RAD51B: variants seen among roughly 807,000 people sequenced by gnomAD.
RAD51B encodes the protein DNA repair protein RAD51 homolog 2.
Under a neutral mutation model 42.2 loss-of-function variants are expected in RAD51B, and 38 were observed. The ratio of observed to expected loss-of-function variants is 0.90; its 90% CI spans 0.70 to 1.18. The LOEUF is 1.18. RAD51B is among the 50% of genes most tolerant of loss of function. RAD51B has a pLI of 0.00. For synonymous variants in RAD51B, 154 were observed against 145.2 expected (o/e 1.06, Z -0.43); for missense variants, 373 against 400.7 (o/e 0.93, Z 0.59).
chr14:68,575,524 T>G (rs1022107062), intron 10 of RAD51B, among the ~76,000 whole-genome samples: 3 of 152,160 alleles, frequency 2.0e-5, no homozygotes, highest in Non-Finnish European at 4.4e-5. Context: ...AAAATTGAAA[T>G]GGACCGTTGA....
At chr14:67,822,771 C>T (rs1270207927) in intron 1 of RAD51B, among the ~76,000 whole-genome samples, 1 of 152,054 alleles carries the variant, frequency 6.6e-6, no homozygotes, top group Non-Finnish European at 1.5e-5. Flanking sequence ...CATTTTAATA[C>T]TGCAGTGATA....
chr14:68,395,041 C>A (rs2083873203), intron 8 of RAD51B, among the ~76,000 whole-genome samples: 1 of 152,178 alleles, frequency 6.6e-6, no homozygotes, highest in South Asian at 2.1e-4. Context: ...ACAGCAAGAT[C>A]TGTCGGCATC....
At chr14:67,962,960 T>TG (rs1350101067) in intron 7 of RAD51B, among the ~76,000 whole-genome samples, 1 of 152,146 alleles carries the variant, frequency 6.6e-6, no homozygotes, top group African/African-American at 2.4e-5. Context: ...TGTAAAGTAG[T>TG]TTAAAAGTAA....
At chr14:68,047,617 C>T (rs911083341) in intron 7 of RAD51B, among the ~76,000 whole-genome samples, 4 of 152,082 alleles carry the variant, frequency 2.6e-5, no homozygotes, top group Non-Finnish European at 5.9e-5. Flanking sequence ...TCATGGACTA[C>T]AATTTTGTAC....
chr14:67,838,599 T>C (rs1001132993), intron 4 of RAD51B, among the ~76,000 whole-genome samples: 2 of 151,998 alleles, frequency 1.3e-5, no homozygotes, highest in African/African-American at 4.8e-5. Context: ...TGCACCACCA[T>C]GCCTGGCTAA....
At chr14:68,263,137 T>G (rs2080921331) in intron 7 of RAD51B, among the ~76,000 whole-genome samples, 1 of 152,184 alleles carries the variant, frequency 6.6e-6, no homozygotes, top group South Asian at 2.1e-4. Flanking sequence ...CTGACCACCC[T>G]GATGCTCTGT....
intron 2 of RAD51B, among the ~76,000 whole-genome samples, 199 bp downstream of exon 2, chr14:67,823,826 A>G (rs1018460062): frequency 2.0e-5 from 3 of 152,162 alleles, no homozygotes; most frequent in Non-Finnish European, 4.4e-5. Flanking sequence ...CAAATTTAGT[A>G]TTTTTGCATT....
intron 10 of RAD51B, among the ~76,000 whole-genome samples, chr14:68,535,129 T>C (rs941355077): frequency 2.6e-5 from 4 of 152,066 alleles, no homozygotes; most frequent in African/African-American, 9.7e-5. Flanking sequence ...ACCTCACCTT[T>C]TCATGGTTGG....
chr14:67,865,416 T>C (rs1221590201), intron 5 of RAD51B, among the ~76,000 whole-genome samples: 2 of 151,914 alleles, frequency 1.3e-5, no homozygotes, highest in African/African-American at 4.8e-5. Context: ...ATTCTATTTT[T>C]AGTAGAGACA....
At chr14:68,438,930 C>G (rs1360851472) in intron 9 of RAD51B, among the ~76,000 whole-genome samples, 1 of 152,082 alleles carries the variant, frequency 6.6e-6, no homozygotes, top group Non-Finnish European at 1.5e-5. Flanking sequence ...CTGAAAGACC[C>G]ACATCTGCAA....
chr14:68,206,415 A>G (rs2079586154), intron 7 of RAD51B, among the ~76,000 whole-genome samples: 1 of 152,188 alleles, frequency 6.6e-6, no homozygotes. Flanking sequence ...TGATTCTTGT[A>G]TAGTCCAAAC....
At chr14:67,862,803 A>G (rs979003953) in intron 4 of RAD51B, among the ~76,000 whole-genome samples, 1 of 152,146 alleles carries the variant, frequency 6.6e-6, no homozygotes, top group African/African-American at 2.4e-5. Context: ...GTAAGCTTTT[A>G]TGAGAGCAAA....
chr14:67,946,219 A>G (rs2045385713), intron 7 of RAD51B, among the ~76,000 whole-genome samples: 3 of 152,228 alleles, frequency 2.0e-5, no homozygotes, highest in Admixed American at 2.0e-4. Flanking sequence ...TAATCAGATA[A>G]ATGATTATTT....
At chr14:68,399,339 C>A (rs963699497) in intron 8 of RAD51B, among the ~76,000 whole-genome samples, 1 of 146,938 alleles carries the variant, frequency 6.8e-6, no homozygotes, top group Admixed American at 6.9e-5. Context: ...TCACTGCAAA[C>A]TCCTCTTCCC....
chr14:67,874,815 A>G (rs1043913106), intron 5 of RAD51B, among the ~76,000 whole-genome samples: 1 of 152,192 alleles, frequency 6.6e-6, no homozygotes, highest in African/African-American at 2.4e-5. Flanking sequence ...TTTGGCAACC[A>G]TGAGAATTCC....
At chr14:68,580,326 A>ACACAG (rs1334718360) in intron 10 of RAD51B, among the ~76,000 whole-genome samples, 5 of 150,158 alleles carry the variant, frequency 3.3e-5, no homozygotes, top group Admixed American at 3.3e-4. Flanking sequence ...AGAGCTTAGC[A>ACACAG]CACAGCAGGT....
At chr14:67,930,357 C>G (rs1370553200) in intron 7 of RAD51B, among the ~76,000 whole-genome samples, 1 of 151,276 alleles carries the variant, frequency 6.6e-6, no homozygotes, top group Admixed American at 6.6e-5. Context: ...TTTTTCCACT[C>G]CCTTGAGCAT....
intron 7 of RAD51B, among the ~76,000 whole-genome samples, chr14:68,238,550 C>T (rs1455190425): frequency 6.6e-6 from 1 of 152,164 alleles, no homozygotes; most frequent in African/African-American, 2.4e-5. Context: ...AGCAATCCCC[C>T]TTCCTTGGCC....
chr14:68,478,325 G>A (rs1188314174), downstream of RAD51B, among the ~76,000 whole-genome samples: 1 of 152,184 alleles, frequency 6.6e-6, no homozygotes, highest in Non-Finnish European at 1.5e-5. Flanking sequence ...CTATTGTAGT[G>A]TAAATTCAAG....
Sources: allele counts gnomAD v4.1 joint callset (sites outside exome capture counted in the v4.1 genomes callset), GRCh38; gene constraint gnomAD v4.1.1; transcripts MANE v1.5; gene names NCBI Gene and HGNC (gene_info 2026-07-23, HGNC 2026-07-21).